Variants in MID2 observed in about 807,000 individuals in gnomAD.
MID2 encodes probable E3 ubiquitin-protein ligase MID2.
In MID2, 13 loss-of-function variants were observed where a neutral mutation model predicts 46.1. That is an observed-to-expected ratio of 0.28 (90% CI 0.18 to 0.45). The LOEUF (loss-of-function observed/expected upper bound fraction) is 0.45. MID2 is among the 20% of genes least tolerant of loss of function. The probability of loss-of-function intolerance (pLI) is 1.00; values close to 1 mark genes in which losing one functional copy is unlikely to be tolerated. For missense variants in MID2, 431 were observed against 575.4 expected, an observed-to-expected ratio of 0.75 and a Z score of 2.57; for synonymous variants, 199 against 212.3, an observed-to-expected ratio of 0.94 and a Z score of 0.55.
chrX:107,851,676 C>A (rs995367718), intron 2 of MID2, among the ~76,000 whole-genome samples: 3 of 109,944 alleles, frequency 2.7e-5, no homozygotes, highest in Admixed American at 9.8e-5. Context: ...ACAACAACAA[C>A]AACAAAAACA....
chrX:107,857,471 C>T (rs993566393), intron 3 of MID2, among the ~76,000 whole-genome samples: 3 of 111,444 alleles, frequency 2.7e-5, no homozygotes, highest in Admixed American at 9.5e-5. Flanking sequence ...AGTAGAGACG[C>T]GGTTTCACCG....
At chrX:107,897,206 A>G (rs1266621499) in intron 3 of MID2, among the ~76,000 whole-genome samples, 1 of 111,135 alleles carries the variant, frequency 9.0e-6, no homozygotes, top group Non-Finnish European at 1.9e-5. Flanking sequence ...TACTTCTAGA[A>G]ATGGCTTGGC....
At chrX:107,857,886 G>A (rs1454394392) in intron 3 of MID2, among the ~76,000 whole-genome samples, 2 of 111,872 alleles carry the variant, frequency 1.8e-5, no homozygotes, top group African/African-American at 6.5e-5. Flanking sequence ...ATTCGGCGGG[G>A]GCGGAGGATA....
intron 3 of MID2, among the ~76,000 whole-genome samples, chrX:107,887,673 T>C (rs1234117000): frequency 8.9e-6 from 1 of 111,966 alleles, no homozygotes; most frequent in East Asian, 2.8e-4. Context: ...CTTTTTCTAT[T>C]GATTGGAATA....
At chrX:107,901,088 G>A (rs1489491211) in intron 3 of MID2, 1 of 112,038 alleles carries the variant, frequency 8.9e-6, no homozygotes, top group Admixed American at 9.5e-5. Flanking sequence ...TATCACAATA[G>A]GTGATAAGGG....
chrX:107,925,924 G>T (rs1000097658), intron 8 of MID2, among the ~76,000 whole-genome samples, 170 bp from the exon 9 acceptor site: 2 of 110,442 alleles, frequency 1.8e-5, no homozygotes, highest in Non-Finnish European at 3.8e-5. Flanking sequence ...TGAAAACTCT[G>T]GTTTCTGGCC....
chrX:107,835,826 A>G (rs1931189257), intron 1 of MID2, among the ~76,000 whole-genome samples: 1 of 112,103 alleles, frequency 8.9e-6, no homozygotes, highest in African/African-American at 3.2e-5. Flanking sequence ...TACTTCATTG[A>G]TGGTGCTTTT....
chrX:107,925,804 A>T (rs1933162852), intron 8 of MID2, among the ~76,000 whole-genome samples: 1 of 111,115 alleles, frequency 9.0e-6, no homozygotes, highest in Admixed American at 9.6e-5. Context: ...TTGGAATATG[A>T]CTTCCCTCAA....
chrX:107,884,423 G>A (rs1445879517), intron 3 of MID2, among the ~76,000 whole-genome samples: 1 of 112,171 alleles, frequency 8.9e-6, no homozygotes, highest in Non-Finnish European at 1.9e-5. Flanking sequence ...CACTTGTGAG[G>A]TAGGTAACAT....
intron 3 of MID2, among the ~76,000 whole-genome samples, chrX:107,893,339 C>G (rs1183141638): frequency 1.8e-5 from 2 of 112,353 alleles, no homozygotes; most frequent in African/African-American, 6.4e-5. Flanking sequence ...TGCTTATTAG[C>G]TGAAATATTA....
chrX:107,843,607 C>G (rs376372368), intron 2 of MID2, among the ~76,000 whole-genome samples: 2 of 110,905 alleles, frequency 1.8e-5, no homozygotes, highest in Non-Finnish European at 3.8e-5. Context: ...CTGTGTGGTT[C>G]GTTATGTTGT....
At chrX:107,919,769 C>T (rs775307514) in intron 7 of MID2, among the ~76,000 whole-genome samples, 1 of 111,096 alleles carries the variant, frequency 9.0e-6, no homozygotes, top group South Asian at 3.8e-4. Flanking sequence ...TGCCCTGTAC[C>T]TTTTTTTTCA....
chrX:107,863,978 C>G (rs143552092), intron 3 of MID2, among the ~76,000 whole-genome samples: 3 of 112,100 alleles, frequency 2.7e-5, no homozygotes, highest in Admixed American at 1.9e-4. Context: ...GGTTAATATT[C>G]CCATTTTTCA....
At chrX:107,917,147 A>G (rs1431804242) in intron 6 of MID2, among the ~76,000 whole-genome samples, 1 of 111,501 alleles carries the variant, frequency 9.0e-6, no homozygotes, top group Non-Finnish European at 1.9e-5. Flanking sequence ...GTCTATATAT[A>G]TATATACTCA....
At chrX:107,920,946 C>A (rs944013133) in intron 7 of MID2, among the ~76,000 whole-genome samples, 6 of 111,752 alleles carry the variant, frequency 5.4e-5, no homozygotes, top group African/African-American at 9.7e-5. Flanking sequence ...TAAGGAAATT[C>A]TCTTACATAA....
chrX:107,889,079 G>T (rs1340964590), intron 3 of MID2, among the ~76,000 whole-genome samples: 4 of 110,962 alleles, frequency 3.6e-5, no homozygotes, highest in Non-Finnish European at 3.8e-5. Context: ...TATCCAATTT[G>T]CCAGTCTGTG....
chrX:107,849,623 G>A (rs1931566142), intron 2 of MID2, among the ~76,000 whole-genome samples: 1 of 112,022 alleles, frequency 8.9e-6, no homozygotes, highest in South Asian at 3.7e-4. Context: ...AGCACAAAGA[G>A]GCCTAATCTA....
chrX:107,854,689 C>A lies in MID2; in HGVS notation c.801C>A (p.Ile267=), dbSNP rs746275705. ...ATCAAATGGCCAAACTAATACAGATCTGCCAGCAGGTTGAGGTATGTAACA... is the reference window on the plus strand; with the variant it reads ...ATCAAATGGCCAAACTAATACAGATATGCCAGCAGGTTGAGGTATGTAACA... The part of the protein sequence containing the change: ...LENQMAKLIQ[I]CQQVEVNTAM... Residue 267 remains isoleucine, a synonymous_variant, in exon 3 of 10, where the codon ATC becomes ATA. Coordinates refer to ENST00000262843, the MANE Select transcript of MID2 (RefSeq NM_012216.4). 2 of 1,205,438 alleles carry A rather than the reference C, an allele frequency of 1.7e-6. No individual in the cohort carries two copies. The highest frequency in any genetic ancestry group is 5.9e-5 in the East Asian group (2 of 33,819).
At chrX:107,869,725 G>A (rs958768054) in intron 3 of MID2, among the ~76,000 whole-genome samples, 8 of 110,730 alleles carry the variant, frequency 7.2e-5, no homozygotes, top group African/African-American at 2.6e-4. Flanking sequence ...TCCGTGCTGT[G>A]AATGGGTTAC....
Sources: gnomAD v4.1 joint callset for allele counts (sites outside exome capture counted in the v4.1 genomes callset) on GRCh38, gnomAD v4.1.1 for gene constraint, MANE v1.5 for transcripts, NCBI Gene and HGNC (gene_info 2026-07-23, HGNC 2026-07-21) for gene names.